The following ASB18 variants were observed in gnomAD, a reference collection of about 807,000 sequenced individuals.
The protein encoded by ASB18 is ankyrin repeat and SOCS box protein 18.
A neutral mutation model predicts 33.4 loss-of-function variants in ASB18; 33 were observed. The ratio of observed to expected loss-of-function variants is 0.99; its 90% CI spans 0.75 to 1.32. The LOEUF (loss-of-function observed/expected upper bound fraction) is 1.32. Ranked by LOEUF, ASB18 falls within the 40% of genes most tolerant of loss-of-function variation. The probability of loss-of-function intolerance (pLI) is 0.00; values close to 1 mark genes in which losing one functional copy is unlikely to be tolerated. For missense variants in ASB18, 694 were observed against 655.5 expected (o/e 1.06, Z -0.64); for synonymous variants, 295 against 307.6 (o/e 0.96, Z 0.43).
chr2:236,259,321 C>T lies in ASB18; in HGVS notation c.205+4820G>A, dbSNP rs907961052. Among the ~76,000 whole-genome samples, 11 of 152,194 alleles carry T rather than the reference C, an allele frequency of 7.2e-5. No homozygotes were observed. Among genetic ancestry groups the T allele is most frequent in the Non-Finnish European group, 1.5e-5 (1 of 68,038 alleles). ...CATGCCAATCACTGCACCCAGAGTCCAAGCTTTCTCTCAGGGTTAATACCC... is the reference window on the plus strand; with the variant it reads ...CATGCCAATCACTGCACCCAGAGTCTAAGCTTTCTCTCAGGGTTAATACCC... On this transcript the variant is annotated intron_variant, in intron 1 of 5. Transcript: ENST00000409749. This position sits in a 1 kb window ranked among gnomAD's most constrained non-coding sequence, Gnocchi z 4.4.
Position 236,249,225 on chromosome 2 carries a change from G to C in ASB18, c.206-7823C>G, listed in dbSNP as rs2060658740. ...AGAGAGCCCCTGTGCTTTGCTTCCTGGTGTTGTCCTTGATCTCTATGTTTG... is the reference window on the plus strand; with the variant it reads ...AGAGAGCCCCTGTGCTTTGCTTCCTCGTGTTGTCCTTGATCTCTATGTTTG... On this transcript the variant is annotated intron_variant, in intron 1 of 5. Coordinates refer to ENST00000409749, the MANE Select transcript of ASB18 (RefSeq NM_212556.4). The surrounding 1 kb of genome is among the most constrained non-coding windows in gnomAD (Gnocchi z 4.6). The C allele has an allele frequency of 6.6e-6, 1 of 152,258 alleles. No homozygotes were observed. The highest frequency in any genetic ancestry group is 1.5e-5 in the Non-Finnish European group (1 of 68,030). The allele number at this position is 152,258 out of a possible 1,614,324, so 9.4% of individuals were successfully genotyped here. A position where few individuals can be genotyped will look rare whatever the true frequency, so the allele number is the denominator to read the frequency against.
intron 4 of ASB18, among the ~76,000 whole-genome samples, chr2:236,207,113 G>A (rs762853856): frequency 8.5e-5 from 13 of 152,252 alleles, no homozygotes; most frequent in Non-Finnish European, 1.0e-4. Context: ...GCTGATGGGG[G>A]CTCTGAGTGC....
rs1161648778 is a variant in ASB18, at chr2:236,224,185, G to GTT, written c.597-9321_597-9320dup. Reference sequence around the variant, plus strand: ...TCTTGTCAACATTTGGTGTTGTCAGGTTTTTTTTTTTTTTTTTTTTTTTTT... The same window carrying GTT: ...TCTTGTCAACATTTGGTGTTGTCAGGTTTTTTTTTTTTTTTTTTTTTTTTTTT... On this transcript the variant is annotated intron_variant, in intron 3 of 5. Coordinates refer to ENST00000409749, the MANE Select transcript of ASB18 (RefSeq NM_212556.4). Among the ~76,000 whole-genome samples the GTT allele has an allele frequency of 4.0e-3, 269 of 66,804 alleles. 15 individuals carry two copies. Among genetic ancestry groups the GTT allele is most frequent in the African/African-American group, 9.6e-3 (119 of 12,346 alleles). 43.8% of individuals were successfully genotyped at this position (66,804 alleles called of 152,430 possible). A position where few individuals can be genotyped will look rare whatever the true frequency, so the allele number is the denominator to read the frequency against.
chr2:236,214,155 A>T lies in ASB18; in HGVS notation c.1101+207T>A, dbSNP rs562390773. 1.5e-4 allele frequency: 83 copies of T among 569,156 alleles called. No homozygotes were observed. The highest frequency in any genetic ancestry group is 1.3e-3 in the African/African-American group (65 of 49,910). 35.3% of individuals were successfully genotyped at this position (569,156 alleles called of 1,614,324 possible). ...TGTTCCTCAAAATGGGGTCCCAGGAACAGCAGTCTAGGCCACACCCGGGAG... is the reference window on the plus strand; with the variant it reads ...TGTTCCTCAAAATGGGGTCCCAGGATCAGCAGTCTAGGCCACACCCGGGAG... On this transcript the variant is annotated intron_variant, in intron 4 of 5. Coordinates refer to ENST00000409749, the MANE Select transcript of ASB18 (RefSeq NM_212556.4). This position sits in a 1 kb window ranked among gnomAD's most constrained non-coding sequence, Gnocchi z 6.5.
intron 3 of ASB18, among the ~76,000 whole-genome samples, chr2:236,236,748 A>G (rs555774688): frequency 1.5e-3 from 234 of 151,652 alleles, no homozygotes; most frequent in Admixed American, 5.1e-3. Context: ...CAACTTTGAC[A>G]GTCGGTGGAG....
rs1376790564 is a variant in ASB18 at position 236,250,558 on chromosome 2, A to C, written c.206-9156T>G. 1 of 151,790 alleles carries C rather than the reference A, an allele frequency of 6.6e-6. No individual in the cohort carries two copies. Among genetic ancestry groups the C allele is most frequent in the African/African-American group, 2.4e-5 (1 of 41,300 alleles). The allele number at this position is 151,790 out of a possible 1,614,324, so 9.4% of individuals were successfully genotyped here. ...GTCAATTTCCTTCACCCCTTTTTTT[A>C]CCTGGAGGGTTTCTGTAAATGGCCA... On this transcript the variant is annotated intron_variant, in intron 1 of 5. Transcript: ENST00000409749. This position sits in a 1 kb window ranked among gnomAD's most constrained non-coding sequence, Gnocchi z 4.1.
In ASB18 at chr2:236,214,426, TGC is replaced by T; in HGVS notation, c.1035_1036del (p.Gln346AlafsTer55). 6.4e-7 allele frequency: 1 copy of T among 1,560,590 alleles called. No individual in the cohort carries two copies. The highest frequency in any genetic ancestry group is 1.2e-5 in the South Asian group (1 of 85,696). On this transcript the variant is annotated frameshift_variant, in exon 4 of 6. Coordinates refer to ENST00000409749, the MANE Select transcript of ASB18 (RefSeq NM_212556.4). LOFTEE classifies it high-confidence loss of function. This position sits in a 1 kb window ranked among gnomAD's most constrained non-coding sequence, Gnocchi z 6.5. Reference sequence around the variant, plus strand: ...GTTGAGCAGCGCCTGCACCGTGCGCTGCGGTGAGGCCTGGAGAGCGCAGGATG... The same window carrying T: ...GTTGAGCAGCGCCTGCACCGTGCGCTGGTGAGGCCTGGAGAGCGCAGGATG...
Position 236,216,392 on chromosome 2 carries a change from A to C in ASB18, c.597-1526T>G, listed in dbSNP as rs1425989719. On this transcript the variant is annotated intron_variant, in intron 3 of 5. Coordinates refer to ENST00000409749, the MANE Select transcript of ASB18 (RefSeq NM_212556.4). This position sits in a 1 kb window ranked among gnomAD's most constrained non-coding sequence, Gnocchi z 6.1. The stretch of plus-strand genomic sequence containing the variant: ...CTTCTGCAAACACATCTGTTTCAAC[A>C]CTGATTAGAATCTGTTTTGACAACA... 6.6e-6 allele frequency among the ~76,000 whole-genome samples: 1 copy of C among 152,154 alleles called. No individual in the cohort carries two copies. Among genetic ancestry groups the C allele is most frequent in the African/African-American group, 2.4e-5 (1 of 41,430 alleles).
Position 236,226,266 on chromosome 2 carries a change from C to T in ASB18, c.597-11400G>A, listed in dbSNP as rs2060537518. Among the ~76,000 whole-genome samples the T allele has an allele frequency of 6.6e-6, 1 of 152,150 alleles. No homozygotes were observed. Among genetic ancestry groups the T allele is most frequent in the African/African-American group, 2.4e-5 (1 of 41,438 alleles). ...TATCATCATTGATATTGAAGGGATT[C>T]TAAGTCAGCTGTTACAGAGTTCTGC... On this transcript the variant is annotated intron_variant, in intron 3 of 5. Transcript: ENST00000409749. This position sits in a 1 kb window ranked among gnomAD's most constrained non-coding sequence, Gnocchi z 4.8.
chr2:236,207,849 C>T (rs2060441864), intron 4 of ASB18, among the ~76,000 whole-genome samples: 2 of 149,754 alleles, frequency 1.3e-5, no homozygotes, highest in South Asian at 4.2e-4. Flanking sequence ...TAATGTCTGC[C>T]TGACAGCCTG....
At position 236,214,391 on chromosome 2, in the gene ASB18, G is replaced by T. The variant is rs1396907148; in HGVS notation, c.1072C>A (p.Pro358Thr). ...GGGAAGGCGTCGGGCCACACGGTGGGAGAGCCGTGGTTGAGCAGCGCCTGC... is the reference window on the plus strand; with the variant it reads ...GGGAAGGCGTCGGGCCACACGGTGGTAGAGCCGTGGTTGAGCAGCGCCTGC... ...TVQALLNHGSPTVWPDAFPKV... is the reference protein window; with the variant it reads ...TVQALLNHGSTTVWPDAFPKV... Residue 358 changes from proline to threonine, a missense_variant, in exon 4 of 6, where the codon CCC becomes ACC. Coordinates refer to ENST00000409749, the MANE Select transcript of ASB18 (RefSeq NM_212556.4). The surrounding 1 kb of genome is among the most constrained non-coding windows in gnomAD (Gnocchi z 6.5). 1.3e-6 allele frequency: 2 copies of T among 1,576,642 alleles called. No individual in the cohort carries two copies. Among genetic ancestry groups the T allele is most frequent in the East Asian group, 2.3e-5 (1 of 43,144 alleles).
chr2:236,233,092 C>T (rs1317635751), intron 3 of ASB18, among the ~76,000 whole-genome samples: 1 of 152,054 alleles, frequency 6.6e-6, no homozygotes, highest in Non-Finnish European at 1.5e-5. Context: ...GATAACTCCT[C>T]ATGATCAAGT....
rs1195809716 is a variant in ASB18 at position 236,214,756 on chromosome 2, C to A, written c.707G>T (p.Arg236Leu). Residue 236 changes from arginine (R) to leucine (L), a missense_variant, in exon 4 of 6, where the codon CGC becomes CTC. Transcript: ENST00000409749. This position sits in a 1 kb window ranked among gnomAD's most constrained non-coding sequence, Gnocchi z 6.5. ...AAQRGLDEHA[R>L]LYLGRGAHVD... is the part of the protein sequence containing the mutation. ...GTGCGCCCCGCGGCCCAGGTACAGG[C>A]GCGCGTGCTCGTCCAGGCCGCGCTG... is the stretch of plus-strand genomic sequence containing the variant. The A allele has an allele frequency of 9.3e-6, 11 of 1,178,264 alleles. No individual in the cohort carries two copies. The highest frequency in any genetic ancestry group is 1.0e-5 in the Non-Finnish European group (10 of 954,054). 73.0% of individuals were successfully genotyped at this position (1,178,264 alleles called of 1,614,324 possible).
Position 236,204,366 on chromosome 2 carries a change from C to T in ASB18, c.1102-7981G>A, listed in dbSNP as rs2060422815. Among the ~76,000 whole-genome samples the T allele has an allele frequency of 6.6e-6, 1 of 152,170 alleles. No homozygotes were observed. ...GGAAGGTGTGCTCTCATTCCTTCCACCTCACTGGTTGCCCCTCCTCGGTTT... is the reference window on the plus strand; with the variant it reads ...GGAAGGTGTGCTCTCATTCCTTCCATCTCACTGGTTGCCCCTCCTCGGTTT... On this transcript the variant is annotated intron_variant, in intron 4 of 5. Transcript: ENST00000409749. This position sits in a 1 kb window ranked among gnomAD's most constrained non-coding sequence, Gnocchi z 5.1.
chr2:236,202,985 G>A (rs887130367), intron 4 of ASB18, among the ~76,000 whole-genome samples: 6 of 151,314 alleles, frequency 4.0e-5, no homozygotes, highest in African/African-American at 1.2e-4. Flanking sequence ...TTTATATTGC[G>A]TATCTCCTTC....
At position 236,196,093 on chromosome 2, in the gene ASB18, T is replaced by C; in HGVS notation, c.1215+179A>G. ...GCAACTACTATAACAAGCTCCTGGC[T>C]GTGTGATTATGGAGCCTCCAGAAAA... On this transcript the variant is annotated intron_variant, in intron 5 of 5. Transcript: ENST00000409749. This position sits in a 1 kb window ranked among gnomAD's most constrained non-coding sequence, Gnocchi z 5.6. 1 of 640,576 alleles carries C rather than the reference T, an allele frequency of 1.6e-6. No homozygotes were observed. Among genetic ancestry groups the C allele is most frequent in the Non-Finnish European group, 2.9e-6 (1 of 344,898 alleles). 39.7% of individuals were successfully genotyped at this position (640,576 alleles called of 1,614,324 possible).
In ASB18 at chr2:236,234,326, C is replaced by T. The variant is rs1409454294; in HGVS notation, c.596+3363G>A. ...GGAGGCAGGGACCTTCCTGCTTCAGCCCCTTCAGAATAGAGATACAGGCTG... is the reference window on the plus strand; with the variant it reads ...GGAGGCAGGGACCTTCCTGCTTCAGTCCCTTCAGAATAGAGATACAGGCTG... On this transcript the variant is annotated intron_variant, in intron 3 of 5. Transcript: ENST00000409749. This position sits in a 1 kb window ranked among gnomAD's most constrained non-coding sequence, Gnocchi z 4.1. 6.6e-6 allele frequency among the ~76,000 whole-genome samples: 1 copy of T among 152,188 alleles called. No individual in the cohort carries two copies. The highest frequency in any genetic ancestry group is 1.9e-4 in the East Asian group (1 of 5,194).
rs1174250414 is a variant in ASB18, at chr2:236,239,729, C to T, written c.328+1551G>A. Among the ~76,000 whole-genome samples the T allele has an allele frequency of 6.6e-6, 1 of 152,258 alleles. No individual in the cohort carries two copies. Among genetic ancestry groups the T allele is most frequent in the Non-Finnish European group, 1.5e-5 (1 of 68,048 alleles). Reference sequence around the variant, plus strand: ...ACCTGCTCCCTGTACTCAGATCAATCCCTTCCCCACCAGGGGAGCTGGAAT... The same window carrying T: ...ACCTGCTCCCTGTACTCAGATCAATTCCTTCCCCACCAGGGGAGCTGGAAT... On this transcript the variant is annotated intron_variant, in intron 2 of 5. Coordinates refer to ENST00000409749, the MANE Select transcript of ASB18 (RefSeq NM_212556.4). The surrounding 1 kb of genome is among the most constrained non-coding windows in gnomAD (Gnocchi z 5.6).
rs565624702 is a variant in ASB18, at chr2:236,261,028, G to T, written c.205+3113C>A. The stretch of plus-strand genomic sequence containing the variant: ...GGTTACACAGCTCAGTGGAGTAGAG[G>T]TTCAATAAATCATCATAATCACAGT... On this transcript the variant is annotated intron_variant, in intron 1 of 5. Transcript: ENST00000409749. 7.9e-5 allele frequency among the ~76,000 whole-genome samples: 12 copies of T among 152,284 alleles called. No individual in the cohort carries two copies. In the South Asian group the frequency reaches 2.5e-3, roughly 32 times the overall value.
Sources: allele counts gnomAD v4.1 joint callset (sites outside exome capture counted in the v4.1 genomes callset), GRCh38; gene constraint gnomAD v4.1.1; non-coding constraint Gnocchi (gnomAD v3.1); transcripts MANE v1.5; gene names NCBI Gene and HGNC (gene_info 2026-07-23, HGNC 2026-07-21).